Variants in CAMK2D observed in about 807,000 individuals in gnomAD.
CAMK2D encodes calcium/calmodulin-dependent protein kinase type II subunit delta.
A neutral mutation model predicts 84.0 loss-of-function variants in CAMK2D; 37 were observed. The observed-to-expected ratio is 0.44, with a 90% CI of 0.34 to 0.58. CAMK2D has a LOEUF of 0.58. CAMK2D is among the 20% of genes least tolerant of loss of function. CAMK2D has a pLI of 0.02. For synonymous variants in CAMK2D, 202 were observed against 212.5 expected (o/e 0.95, Z 0.43); for missense variants, 448 against 652.5 (o/e 0.69, Z 3.41).
intron 2 of CAMK2D, among the ~76,000 whole-genome samples, chr4:113,684,354 GTGTA>G (rs1592987954): frequency 6.6e-6 from 1 of 152,168 alleles, no homozygotes; most frequent in East Asian, 1.9e-4. Flanking sequence ...ATGTATGCAT[GTGTA>G]TGTATCTCCA....
At chr4:113,724,507 GAGCATTTACTGCC>G (rs2099540283) in intron 2 of CAMK2D, among the ~76,000 whole-genome samples, 1 of 150,496 alleles carries the variant, frequency 6.6e-6, no homozygotes, top group Admixed American at 6.6e-5. Context: ...AATATTTACC[GAGCATTTACTGCC>G]AGCCAGGTAC....
intron 6 of CAMK2D, among the ~76,000 whole-genome samples, chr4:113,545,266 A>G (rs759774841): frequency 1.3e-5 from 2 of 152,170 alleles, no homozygotes; most frequent in South Asian, 2.1e-4. Flanking sequence ...CTTATATACA[A>G]ATTGTACAGC....
At chr4:113,532,937 T>A (rs909974102) in intron 7 of CAMK2D, among the ~76,000 whole-genome samples, 6 of 152,184 alleles carry the variant, frequency 3.9e-5, no homozygotes, top group Non-Finnish European at 8.8e-5. Flanking sequence ...CTTAGTTACC[T>A]ACAGTTCTCG....
intron 6 of CAMK2D, among the ~76,000 whole-genome samples, chr4:113,544,601 T>C (rs1166700844): frequency 2.0e-5 from 3 of 152,206 alleles, no homozygotes; most frequent in African/African-American, 7.2e-5. Flanking sequence ...GTTCTGAAGA[T>C]TTGTATGATA....
intron 17 of CAMK2D, among the ~76,000 whole-genome samples, chr4:113,461,158 G>A (rs2097368593): frequency 6.6e-6 from 1 of 152,142 alleles, no homozygotes; most frequent in Non-Finnish European, 1.5e-5. Flanking sequence ...TCAACAGAAG[G>A]TTCAAATGCT....
At chr4:113,581,529 A>AAAAAAAAAAAAAAAAAG (rs373642282) in intron 4 of CAMK2D, among the ~76,000 whole-genome samples, 1 of 121,878 alleles carries the variant, frequency 8.2e-6, no homozygotes, top group African/African-American at 3.2e-5. Context: ...AAAAAAAAAA[A>AAAAAAAAAAAAAAAAAG]AAAAGAAAAG....
At chr4:113,679,147 T>C (rs1239103794) in intron 2 of CAMK2D, among the ~76,000 whole-genome samples, 1 of 152,014 alleles carries the variant, frequency 6.6e-6, no homozygotes, top group Non-Finnish European at 1.5e-5. Context: ...ATAACATTGT[T>C]AAGAGCTGCA....
chr4:113,744,473 A>G lies in CAMK2D; in HGVS notation c.160+14847T>C, dbSNP rs180899579. On this transcript the variant is annotated intron_variant, in intron 2 of 20. Coordinates refer to ENST00000511664, the MANE Select transcript of CAMK2D (RefSeq NM_001321571.2). ...AGAATTCAAATCACTGCATTATCCT[A>G]ATTTCCTTCATACCTTTCTGCCATA... is the stretch of plus-strand genomic sequence containing the variant. Among the ~76,000 whole-genome samples, 23 of 152,100 alleles carry G rather than the reference A, an allele frequency of 1.5e-4. 1 individual carries two copies. Among genetic ancestry groups the G allele is most frequent in the Middle Eastern group, 6.8e-3 (2 of 294 alleles).
chr4:113,711,824 T>C (rs1430760064), intron 2 of CAMK2D, among the ~76,000 whole-genome samples: 1 of 152,204 alleles, frequency 6.6e-6, no homozygotes, highest in African/African-American at 2.4e-5. Context: ...TTCAGAGTGA[T>C]GAGGTTGTGT....
At chr4:113,567,642 G>T (rs994903694) in intron 4 of CAMK2D, among the ~76,000 whole-genome samples, 3 of 152,200 alleles carry the variant, frequency 2.0e-5, no homozygotes, top group Non-Finnish European at 4.4e-5. Context: ...TGGTTAAAAT[G>T]ACAAGCATGG....
intron 8 of CAMK2D, among the ~76,000 whole-genome samples, chr4:113,520,798 T>G (rs2098346391): frequency 6.6e-6 from 1 of 152,078 alleles, no homozygotes; most frequent in African/African-American, 2.4e-5. Flanking sequence ...GAGGCTGATG[T>G]AGGAGGATCA....
chr4:113,713,592 TG>T (rs1186147934), intron 2 of CAMK2D, among the ~76,000 whole-genome samples: 1 of 149,816 alleles, frequency 6.7e-6, no homozygotes, highest in African/African-American at 2.4e-5. Flanking sequence ...GCCAATCTAA[TG>T]GATGTGACCT....
intron 3 of CAMK2D, among the ~76,000 whole-genome samples, chr4:113,627,034 A>G (rs1243192993): frequency 6.6e-6 from 1 of 152,180 alleles, no homozygotes; most frequent in African/African-American, 2.4e-5. Flanking sequence ...TTTTTTAAAA[A>G]TAGGCTTGTT....
At chr4:113,741,543 A>G (rs745642907) in intron 2 of CAMK2D, among the ~76,000 whole-genome samples, 1 of 152,164 alleles carries the variant, frequency 6.6e-6, no homozygotes, top group Non-Finnish European at 1.5e-5. Context: ...TCAGACACCA[A>G]CTGGGGGTCT....
At chr4:113,543,429 C>T (rs931610448) in intron 6 of CAMK2D, among the ~76,000 whole-genome samples, 7 of 149,028 alleles carry the variant, frequency 4.7e-5, no homozygotes, top group African/African-American at 1.7e-4. Flanking sequence ...CTATGTTGCG[C>T]AGGCTGGTAT....
At chr4:113,620,727 C>T (rs1006220361) in intron 3 of CAMK2D, among the ~76,000 whole-genome samples, 28 of 151,974 alleles carry the variant, frequency 1.8e-4, no homozygotes, top group African/African-American at 6.0e-4. Flanking sequence ...AGGATAGTCT[C>T]GATCTCTTGA....
chr4:113,517,731 T>C (rs771775542), intron 8 of CAMK2D, 74 bp from the exon 9 acceptor site: 2 of 734,832 alleles, frequency 2.7e-6, no homozygotes, highest in Non-Finnish European at 4.9e-6. Flanking sequence ...TGATCCACAA[T>C]GATATTAAGC....
chr4:113,503,096 C>T (rs748156462), intron 14 of CAMK2D, 119 bp from the exon 15 acceptor site: 32 of 779,354 alleles, frequency 4.1e-5, no homozygotes, highest in Non-Finnish European at 6.3e-5. Context: ...AGAGCTAAAG[C>T]GATGTTAACT....
intron 12 of CAMK2D, among the ~76,000 whole-genome samples, chr4:113,511,433 G>A (rs186331492): frequency 3.3e-5 from 5 of 152,000 alleles, no homozygotes; most frequent in African/African-American, 4.8e-5. Flanking sequence ...TCTATATATG[G>A]GTACATACAT....
Sources: allele counts gnomAD v4.1 joint callset (sites outside exome capture counted in the v4.1 genomes callset), GRCh38; gene constraint gnomAD v4.1.1; transcripts MANE v1.5; gene names NCBI Gene and HGNC (gene_info 2026-07-23, HGNC 2026-07-21).